The following SMYD3 variants were observed in gnomAD, a reference collection of about 807,000 sequenced individuals.
SMYD3 encodes the protein histone-lysine N-methyltransferase SMYD3.
A neutral mutation model predicts 57.7 loss-of-function variants in SMYD3; 36 were observed. That is an observed-to-expected ratio of 0.62 (90% CI 0.48 to 0.82). The LOEUF (loss-of-function observed/expected upper bound fraction) is 0.82. Ranked by LOEUF, SMYD3 falls within the 40% of genes least tolerant of loss-of-function variation. The pLI is 0.00. For missense variants in SMYD3, 515 were observed against 538.8 expected (o/e 0.96, Z 0.44); for synonymous variants, 211 against 195.0 (o/e 1.08, Z -0.68).
intron 1 of SMYD3, among the ~76,000 whole-genome samples, chr1:246,362,450 TC>T (rs2066004935): frequency 5.8e-5 from 1 of 17,322 alleles, no homozygotes; most frequent in Admixed American, 9.5e-4. Context: ...GGTCTCCCTC[TC>T]CCTCTCCCTC....
At chr1:246,100,868 T>G (rs2147932625) in intron 5 of SMYD3, among the ~76,000 whole-genome samples, 1 of 152,168 alleles carries the variant, frequency 6.6e-6, no homozygotes, top group South Asian at 2.1e-4. Context: ...ATGAGGAGGA[T>G]ATTATCATGG....
rs909451117 is a variant in SMYD3, at chr1:245,823,421, C to T, written c.1076+35075G>A. On this transcript the variant is annotated intron_variant, in intron 10 of 11. Coordinates refer to ENST00000490107, the MANE Select transcript of SMYD3 (RefSeq NM_001167740.2). ...CCTGGAGAAGTGCACCTTGGGAAGG[C>T]GATGAAATGAAAGAAGGGCACATCC... is the stretch of plus-strand genomic sequence containing the variant. Among the ~76,000 whole-genome samples the T allele has an allele frequency of 4.6e-5, 7 of 152,232 alleles. No individual in the cohort carries two copies. The East Asian group carries it at 1.2e-3, about 25-fold the overall frequency.
intron 5 of SMYD3, among the ~76,000 whole-genome samples, chr1:246,299,010 G>C (rs1015952871): frequency 3.9e-5 from 6 of 152,068 alleles, no homozygotes; most frequent in African/African-American, 1.4e-4. Context: ...GTATAGGGTT[G>C]GTGGAGTGTA....
intron 5 of SMYD3, among the ~76,000 whole-genome samples, chr1:245,965,454 C>T (rs1473827410): frequency 6.6e-6 from 1 of 152,150 alleles, no homozygotes; most frequent in Non-Finnish European, 1.5e-5. Flanking sequence ...TAAAATCCAG[C>T]TTTATTCATA....
intron 11 of SMYD3, among the ~76,000 whole-genome samples, chr1:245,751,126 T>G (rs1362404678): frequency 6.6e-6 from 1 of 152,258 alleles, no homozygotes; most frequent in Non-Finnish European, 1.5e-5. Context: ...GCCATCATGC[T>G]TATAAACCAT....
chr1:245,846,048 G>A (rs2050647002), intron 10 of SMYD3, among the ~76,000 whole-genome samples: 1 of 152,164 alleles, frequency 6.6e-6, no homozygotes, highest in South Asian at 2.1e-4. Flanking sequence ...GAGCTGGAGG[G>A]AATAGAACTT....
chr1:246,190,720 C>A (rs552605084), intron 5 of SMYD3, among the ~76,000 whole-genome samples: 1 of 151,858 alleles, frequency 6.6e-6, no homozygotes, highest in Non-Finnish European at 1.5e-5. Flanking sequence ...CCAACTCACA[C>A]ACAAAAAGCC....
intron 5 of SMYD3, among the ~76,000 whole-genome samples, chr1:246,017,048 G>C (rs541559318): frequency 2.0e-5 from 3 of 152,002 alleles, no homozygotes; most frequent in Non-Finnish European, 4.4e-5. Flanking sequence ...TTTGTTCCCT[G>C]AGGACAGAAT....
chr1:245,824,154 T>G (rs114172967), intron 10 of SMYD3, among the ~76,000 whole-genome samples: 1,935 of 152,320 alleles, frequency 0.013, 69 homozygotes, highest in African/African-American at 0.044. Context: ...TTCCCCAAAG[T>G]AGGGAAACAG....
chr1:245,906,667 G>A (rs1032425709), intron 8 of SMYD3, among the ~76,000 whole-genome samples: 2 of 152,182 alleles, frequency 1.3e-5, no homozygotes, highest in African/African-American at 4.8e-5. Flanking sequence ...AAGGAAATCA[G>A]CTTATCGAAG....
intron 1 of SMYD3, among the ~76,000 whole-genome samples, chr1:246,371,113 C>G (rs112183540): frequency 4.1e-4 from 62 of 152,108 alleles, no homozygotes; most frequent in Non-Finnish European, 7.9e-4. Flanking sequence ...ATGTCTGTAA[C>G]AAGCTAAGGA....
At chr1:246,377,146 C>T (rs2148741405) in intron 1 of SMYD3, among the ~76,000 whole-genome samples, 2 of 145,590 alleles carry the variant, frequency 1.4e-5, no homozygotes, top group East Asian at 3.9e-4. Context: ...AATCCTATTA[C>T]ATGTCAACAT....
chr1:246,371,236 C>T (rs2066187556), intron 1 of SMYD3, among the ~76,000 whole-genome samples: 1 of 152,176 alleles, frequency 6.6e-6, no homozygotes, highest in African/African-American at 2.4e-5. Flanking sequence ...GTCACTCGGA[C>T]AGCTAATCAT....
At chr1:246,027,041 C>T (rs913578597) in intron 5 of SMYD3, among the ~76,000 whole-genome samples, 6 of 152,194 alleles carry the variant, frequency 3.9e-5, no homozygotes, top group Middle Eastern at 3.2e-3. Context: ...GGGAGAAAGT[C>T]TGAGTGATCT....
At chr1:246,363,074 G>A (rs1288104396) in intron 1 of SMYD3, among the ~76,000 whole-genome samples, 1 of 146,740 alleles carries the variant, frequency 6.8e-6, no homozygotes, top group Non-Finnish European at 1.5e-5. Flanking sequence ...CTGCCCCACC[G>A]CCCCTTCTGG....
At chr1:245,838,134 TTTC>T (rs1433634855) in intron 10 of SMYD3, among the ~76,000 whole-genome samples, 2 of 152,284 alleles carry the variant, frequency 1.3e-5, no homozygotes, top group Admixed American at 6.5e-5. Flanking sequence ...AGATGCAGTA[TTTC>T]TTTTGTTCAA....
chr1:246,428,655 C>A (rs1314178838), intron 1 of SMYD3, among the ~76,000 whole-genome samples: 1 of 152,226 alleles, frequency 6.6e-6, no homozygotes, highest in Non-Finnish European at 1.5e-5. Flanking sequence ...CCCGTGCAAT[C>A]TAGACCAGAG....
intron 10 of SMYD3, among the ~76,000 whole-genome samples, chr1:245,783,555 G>C (rs1209270964): frequency 6.7e-6 from 1 of 149,110 alleles, no homozygotes; most frequent in Non-Finnish European, 1.5e-5. Context: ...AGTGTAATAA[G>C]GCAAAAAAAA....
intron 11 of SMYD3, among the ~76,000 whole-genome samples, chr1:245,750,479 A>C (rs1338178259): frequency 6.6e-6 from 1 of 152,186 alleles, no homozygotes; most frequent in Non-Finnish European, 1.5e-5. Context: ...CGATTCCAGC[A>C]CCCAGCTGAA....
Sources: gnomAD v4.1 joint callset for allele counts (sites outside exome capture counted in the v4.1 genomes callset) on GRCh38, gnomAD v4.1.1 for gene constraint, MANE v1.5 for transcripts, NCBI Gene and HGNC (gene_info 2026-07-23, HGNC 2026-07-21) for gene names.